Variants in THSD7B observed in about 807,000 individuals in gnomAD.
The protein encoded by THSD7B is thrombospondin type-1 domain-containing protein 7B.
THSD7B carries 138 observed loss-of-function variants against 213.6 expected under a neutral mutation model. The observed-to-expected ratio is 0.65, with a 90% CI of 0.56 to 0.74. THSD7B has a LOEUF of 0.74. Among genes scored for constraint, THSD7B ranks in the 30% least tolerant of loss-of-function variants. The pLI is 0.00. For synonymous variants in THSD7B, 742 were observed against 687.0 expected, an observed-to-expected ratio of 1.08 and a Z score of -1.25; for missense variants, 1,931 against 1,991.5, an observed-to-expected ratio of 0.97 and a Z score of 0.58.
chr2:137,585,872 G>C (rs1376531224), intron 17 of THSD7B, among the ~76,000 whole-genome samples: 1 of 152,188 alleles, frequency 6.6e-6, no homozygotes, highest in Non-Finnish European at 1.5e-5. Context: ...GTGCAGAGCT[G>C]AGTTCAATTC....
At chr2:136,931,558 C>G (rs1228928134) in intron 2 of THSD7B, among the ~76,000 whole-genome samples, 2 of 152,126 alleles carry the variant, frequency 1.3e-5, no homozygotes, top group African/African-American at 4.8e-5. Flanking sequence ...TCAGCAAACA[C>G]AGCCGCTATT....
intron 2 of THSD7B, among the ~76,000 whole-genome samples, chr2:136,909,562 A>G (rs1001867714): frequency 1.3e-5 from 2 of 152,204 alleles, no homozygotes; most frequent in African/African-American, 2.4e-5. Flanking sequence ...GAGAGGAATG[A>G]ATGCATGATG....
At chr2:137,203,436 A>G (rs1173983310) in intron 7 of THSD7B, among the ~76,000 whole-genome samples, 2 of 152,084 alleles carry the variant, frequency 1.3e-5, no homozygotes, top group Admixed American at 6.6e-5. Flanking sequence ...AGATCTCAAT[A>G]TTTTAATGAT....
At chr2:136,842,249 GT>G (rs1396353613) in intron 1 of THSD7B, among the ~76,000 whole-genome samples, 13 of 152,272 alleles carry the variant, frequency 8.5e-5, no homozygotes, top group African/African-American at 2.9e-4. Flanking sequence ...ACTGCGCTGG[GT>G]TATTTTATAG....
chr2:136,893,490 A>G (rs1558841714), intron 2 of THSD7B, among the ~76,000 whole-genome samples: 1 of 140,378 alleles, frequency 7.1e-6, no homozygotes, highest in Non-Finnish European at 1.6e-5. Flanking sequence ...CTATATAAAT[A>G]CAAACAAAGG....
At chr2:137,526,125 G>T (rs143940527) in intron 15 of THSD7B, among the ~76,000 whole-genome samples, 294 of 152,128 alleles carry the variant, frequency 1.9e-3, no homozygotes, top group African/African-American at 7.0e-3. Context: ...TTGGAGAGAG[G>T]CAGAGAGAGA....
chr2:137,240,679 A>AT (rs1681879596), intron 9 of THSD7B, among the ~76,000 whole-genome samples: 1 of 151,754 alleles, frequency 6.6e-6, no homozygotes, highest in Non-Finnish European at 1.5e-5. Context: ...CCCAGCTAAT[A>AT]TTTTTTATAT....
At position 137,451,014 on chromosome 2, in the gene THSD7B, C is replaced by T. The variant is rs201189693; in HGVS notation, c.3129C>T (p.Leu1043=). 6.3e-6 allele frequency: 10 copies of T among 1,593,656 alleles called. No individual in the cohort carries two copies. The highest frequency in any genetic ancestry group is 7.7e-6 in the Non-Finnish European group (9 of 1,170,224). Residue 1043 remains leucine, a synonymous_variant, in exon 15 of 28, where the codon CTC becomes CTT. Transcript: ENST00000409968. ...NGGRPCPKLD[L]KNQVHEAVPC... is the part of the protein sequence containing the mutation. ...GACGACCATGTCCCAAACTGGATCTCAAGAATCAGGTAAAGTGCATGAAGC... is the reference window on the plus strand; with the variant it reads ...GACGACCATGTCCCAAACTGGATCTTAAGAATCAGGTAAAGTGCATGAAGC...
chr2:136,781,311 C>G (rs1036680097), intron 1 of THSD7B, among the ~76,000 whole-genome samples: 2 of 145,492 alleles, frequency 1.4e-5, no homozygotes, highest in African/African-American at 5.2e-5. Flanking sequence ...GTCACCCAGG[C>G]TGGAATGCAA....
intron 17 of THSD7B, among the ~76,000 whole-genome samples, chr2:137,589,686 A>G (rs990384064): frequency 1.3e-5 from 2 of 152,170 alleles, no homozygotes; most frequent in African/African-American, 4.8e-5. Flanking sequence ...TAAGGCATAT[A>G]AATGTATTAT....
chr2:136,990,587 G>A (rs946388471), intron 2 of THSD7B, among the ~76,000 whole-genome samples: 3 of 152,156 alleles, frequency 2.0e-5, no homozygotes, highest in Non-Finnish European at 4.4e-5. Flanking sequence ...AAGAAACACT[G>A]TCATTGACAC....
intron 10 of THSD7B, among the ~76,000 whole-genome samples, chr2:137,255,584 C>G (rs1402740926): frequency 2.0e-5 from 3 of 152,114 alleles, no homozygotes; most frequent in Non-Finnish European, 4.4e-5. Context: ...TCCACTGCCT[C>G]CTTTACTTCC....
chr2:137,085,671 G>C (rs1363287303), intron 3 of THSD7B, among the ~76,000 whole-genome samples: 1 of 152,028 alleles, frequency 6.6e-6, no homozygotes, highest in Non-Finnish European at 1.5e-5. Context: ...TCCATAAAAG[G>C]AGGACCTGTA....
rs550032227 is a variant in THSD7B, at chr2:137,485,434, A to G, written c.3138+34411A>G. Among the ~76,000 whole-genome samples, 16 of 152,212 alleles carry G rather than the reference A, an allele frequency of 1.1e-4. No individual in the cohort carries two copies. In the East Asian group the frequency reaches 1.4e-3, roughly 13 times the overall value. ...GTTTTGGTTACTGTAGCTTTGTAGT[A>G]TAGTTTGAAGTCAGGTATCATGATG... On this transcript the variant is annotated intron_variant, in intron 15 of 27. Transcript: ENST00000409968.
Position 136,942,549 on chromosome 2 carries a change from T to G in THSD7B, c.139+60232T>G, listed in dbSNP as rs188798836. 5.5e-3 allele frequency among the ~76,000 whole-genome samples: 834 copies of G among 152,334 alleles called. 8 individuals carry two copies. The highest frequency in any genetic ancestry group is 0.019 in the African/African-American group (776 of 41,578). On this transcript the variant is annotated intron_variant, in intron 2 of 27. Coordinates refer to ENST00000409968, the MANE Select transcript of THSD7B (RefSeq NM_001316349.2). ...ACTGAGCAGTGGTTTGTAGTTCTCC[T>G]TGAAGAGGTCCTTCACCTCCCTTGT...
chr2:137,481,027 G>T (rs1688295230), intron 15 of THSD7B, among the ~76,000 whole-genome samples: 1 of 152,196 alleles, frequency 6.6e-6, no homozygotes. Flanking sequence ...TCTGCCATGT[G>T]AGGATACAGC....
At chr2:137,386,180 C>A (rs1206909190) in intron 12 of THSD7B, among the ~76,000 whole-genome samples, 1 of 152,230 alleles carries the variant, frequency 6.6e-6, no homozygotes, top group Non-Finnish European at 1.5e-5. Context: ...TCCTACTCAG[C>A]ATTTGTGCAT....
intron 1 of THSD7B, 105 bp from the exon 2 acceptor site, chr2:136,882,038 AT>A (rs1573686690): frequency 2.5e-6 from 2 of 799,838 alleles, no homozygotes; most frequent in Admixed American, 3.9e-5. Flanking sequence ...CTTCATGCTA[AT>A]GAAAAACTTG....
chr2:137,210,134 C>A (rs1186240130), intron 7 of THSD7B, among the ~76,000 whole-genome samples: 1 of 152,062 alleles, frequency 6.6e-6, no homozygotes, highest in African/African-American at 2.4e-5. Flanking sequence ...AAATGAATTT[C>A]TGTTGTTCAA....
Sources: gnomAD v4.1 joint callset for allele counts (sites outside exome capture counted in the v4.1 genomes callset) on GRCh38, gnomAD v4.1.1 for gene constraint, MANE v1.5 for transcripts, NCBI Gene and HGNC (gene_info 2026-07-23, HGNC 2026-07-21) for gene names.